GPT2: variants seen among roughly 807,000 people sequenced by gnomAD.
The protein encoded by GPT2 is glutamic--pyruvic transaminase 2.
A neutral mutation model predicts 56.9 loss-of-function variants in GPT2; 30 were observed. The ratio of observed to expected loss-of-function variants is 0.53; its 90% confidence interval spans 0.39 to 0.72. The LOEUF (loss-of-function observed/expected upper bound fraction) is 0.72. Ranked by LOEUF, GPT2 falls within the 30% of genes least tolerant of loss-of-function variation. The pLI is 0.00. For synonymous variants in GPT2, 271 were observed against 283.1 expected (o/e 0.96, Z 0.43); for missense variants, 542 against 703.4 (o/e 0.77, Z 2.60).
chr16:46,913,903 A>G (rs1961092895), intron 6 of GPT2, among the ~76,000 whole-genome samples: 1 of 152,084 alleles, frequency 6.6e-6, no homozygotes, highest in Non-Finnish European at 1.5e-5. Context: ...ATGTAACTGC[A>G]CTCCAGCAAG....
In GPT2 at chr16:46,925,847, C is replaced by T. The variant is rs184951570; in HGVS notation, c.1369-1078C>T. Among the ~76,000 whole-genome samples the T allele has an allele frequency of 3.3e-5, 5 of 151,754 alleles. No individual in the cohort carries two copies. In the East Asian group the frequency reaches 9.7e-4, roughly 30 times the overall value. On this transcript the variant is annotated intron_variant, in intron 10 of 11. Transcript: ENST00000340124. The stretch of plus-strand genomic sequence containing the variant: ...TTAAATAAATTTAAAAAAAAAGAAT[C>T]CCTGGGCCAGGTGTGGTGGCTCATG...
At chr16:46,923,588 G>A (rs1307006004) in intron 9 of GPT2, among the ~76,000 whole-genome samples, 1 of 152,178 alleles carries the variant, frequency 6.6e-6, no homozygotes. Context: ...TGCTCCCCAC[G>A]TGGACAGGCC....
At chr16:46,927,855 G>A (rs990247369) in intron 11 of GPT2, among the ~76,000 whole-genome samples, 6 of 152,038 alleles carry the variant, frequency 3.9e-5, no homozygotes, top group Non-Finnish European at 7.4e-5. Flanking sequence ...GAGCATTTTG[G>A]TGCACCAGAG....
chr16:46,891,251 C>T (rs1469695050), intron 2 of GPT2, among the ~76,000 whole-genome samples: 1 of 148,990 alleles, frequency 6.7e-6, no homozygotes, highest in Non-Finnish European at 1.5e-5. Flanking sequence ...TTTTAAATTA[C>T]TATTTTTTTG....
At chr16:46,892,402 G>A (rs1005722605) in intron 2 of GPT2, among the ~76,000 whole-genome samples, 24 of 152,232 alleles carry the variant, frequency 1.6e-4, no homozygotes, top group African/African-American at 5.1e-4. Flanking sequence ...AAGGGAGTGC[G>A]GACATCTCTT....
chr16:46,903,230 T>C (rs1003349612), intron 4 of GPT2, among the ~76,000 whole-genome samples: 5 of 151,794 alleles, frequency 3.3e-5, no homozygotes, highest in African/African-American at 1.2e-4. Context: ...GCCTGGGTGA[T>C]GAGAGTGAAA....
At position 46,929,379 on chromosome 16, in the gene GPT2, G is replaced by T; in HGVS notation, c.*382G>T. On this transcript the variant is annotated 3_prime_UTR_variant, in exon 12 of 12. Coordinates refer to ENST00000340124, the MANE Select transcript of GPT2 (RefSeq NM_133443.4). ...AATGTGTGACTTAACCGTGGTGAGG[G>T]CTGGAAATCCAAACTCACCACCATG... 1 of 231,076 alleles carries T rather than the reference G, an allele frequency of 4.3e-6. No homozygotes were observed. Among genetic ancestry groups the T allele is most frequent in the South Asian group, 6.7e-5 (1 of 14,856 alleles). 14.3% of individuals were successfully genotyped at this position (231,076 alleles called of 1,614,324 possible). A position where few individuals can be genotyped will look rare whatever the true frequency, so the allele number is the denominator to read the frequency against.
At chr16:46,909,173 C>T (rs1960994166) in intron 5 of GPT2, among the ~76,000 whole-genome samples, 1 of 151,988 alleles carries the variant, frequency 6.6e-6, no homozygotes, top group Admixed American at 6.6e-5. Flanking sequence ...TGGGCCCCAC[C>T]CCTGACATAG....
At chr16:46,922,190 T>C (rs1961299923) in intron 8 of GPT2, 52 bp from the exon 9 acceptor site, 4 of 1,574,190 alleles carry the variant, frequency 2.5e-6, no homozygotes, top group African/African-American at 2.7e-5. Context: ...AATGGCACTT[T>C]GTTGAGGTCT....
intron 6 of GPT2, among the ~76,000 whole-genome samples, chr16:46,912,263 G>A (rs1327806664): frequency 6.6e-6 from 1 of 152,140 alleles, no homozygotes; most frequent in African/African-American, 2.4e-5. Context: ...GAAGCAGTGC[G>A]CCTGAGTCAG....
chr16:46,928,480 G>A (rs979759577), intron 11 of GPT2, among the ~76,000 whole-genome samples: 5 of 151,606 alleles, frequency 3.3e-5, no homozygotes, highest in Non-Finnish European at 7.4e-5. Context: ...AAAATTAGCT[G>A]GGCGTGGTGG....
intron 6 of GPT2, among the ~76,000 whole-genome samples, chr16:46,914,621 A>G (rs558050461): frequency 1.3e-5 from 2 of 152,214 alleles, no homozygotes; most frequent in Non-Finnish European, 2.9e-5. Context: ...TTAGTGATGC[A>G]TGGTAGCAGC....
At chr16:46,904,138 G>T (rs774447251) in intron 4 of GPT2, among the ~76,000 whole-genome samples, 1 of 152,218 alleles carries the variant, frequency 6.6e-6, no homozygotes, top group Admixed American at 6.5e-5. Context: ...AGCACAGCCC[G>T]CAGTGGGCAA....
chr16:46,886,078 A>G (rs1960476989), intron 2 of GPT2, among the ~76,000 whole-genome samples: 1 of 152,162 alleles, frequency 6.6e-6, no homozygotes, highest in Non-Finnish European at 1.5e-5. Context: ...TGAGACACTC[A>G]GTTCTGCTGA....
Position 46,900,677 on chromosome 16 carries a change from C to T in GPT2, c.334-5C>T, listed in dbSNP as rs1410455548. 1.2e-6 allele frequency: 2 copies of T among 1,611,584 alleles called. No individual in the cohort carries two copies. The highest frequency in any genetic ancestry group is 1.3e-5 in the African/African-American group (1 of 74,822). On this transcript the variant is annotated splice_region_variant and splice_polypyrimidine_tract_variant and intron_variant, in intron 3 of 11. Transcript: ENST00000340124. ...GGGAGCTCAGCCTGTGTCTTGTTCC[C>T]CCAGGTGATGGCACTATGCACCTAC...
chr16:46,898,889 C>T (rs1043252527), intron 3 of GPT2, among the ~76,000 whole-genome samples: 4 of 134,698 alleles, frequency 3.0e-5, no homozygotes, highest in African/African-American at 5.6e-5. Context: ...TATATATATA[C>T]GTATATATAT....
At chr16:46,887,383 G>A (rs1450636203) in intron 2 of GPT2, among the ~76,000 whole-genome samples, 5 of 152,146 alleles carry the variant, frequency 3.3e-5, no homozygotes, top group African/African-American at 4.8e-5. Context: ...CAGGAGAATC[G>A]CTTGAACCCG....
chr16:46,896,455 T>C (rs1028636141), intron 2 of GPT2, among the ~76,000 whole-genome samples: 2 of 151,882 alleles, frequency 1.3e-5, no homozygotes, highest in African/African-American at 4.8e-5. Context: ...CCTGATGCTT[T>C]TTTTTTTTTA....
rs1161673095 is a variant in GPT2 at position 46,930,901 on chromosome 16, G to A, written c.*1904G>A. 1 of 152,620 alleles carries A rather than the reference G, an allele frequency of 6.6e-6. No individual in the cohort carries two copies. The highest frequency in any genetic ancestry group is 1.5e-5 in the Non-Finnish European group (1 of 68,016). 9.5% of individuals were successfully genotyped at this position (152,620 alleles called of 1,614,324 possible). ...AGGTCAGCTAGTCTAGGAGGTTAAC[G>A]TCGGGTAGGAATGCTGATCATGATA... On this transcript the variant is annotated 3_prime_UTR_variant, in exon 12 of 12. Coordinates refer to ENST00000340124, the MANE Select transcript of GPT2 (RefSeq NM_133443.4).
Sources: gnomAD v4.1 joint callset for allele counts (sites outside exome capture counted in the v4.1 genomes callset) on GRCh38, gnomAD v4.1.1 for gene constraint, MANE v1.5 for transcripts, NCBI Gene and HGNC (gene_info 2026-07-23, HGNC 2026-07-21) for gene names.